The following CDH7 variants were observed in gnomAD, a reference collection of about 807,000 sequenced individuals.
CDH7 encodes cadherin 7.
Under a neutral mutation model 71.8 loss-of-function variants are expected in CDH7, and 25 were observed. The observed-to-expected ratio is 0.35, with a 90% CI of 0.25 to 0.49. The LOEUF (loss-of-function observed/expected upper bound fraction) is 0.49, where lower values mean the gene tolerates loss of function less well. CDH7 is among the 20% of genes least tolerant of loss of function. CDH7 has a pLI of 0.99. For synonymous variants in CDH7, 381 were observed against 363.8 expected (o/e 1.05, Z -0.54); for missense variants, 862 against 974.6 (o/e 0.88, Z 1.54).
chr18:65,879,586 T>C (rs2587413), intron 11 of CDH7, among the ~76,000 whole-genome samples: 7,697 of 152,258 alleles, frequency 0.051, 621 homozygotes, highest in African/African-American at 0.17. Flanking sequence ...TTGTGTATAC[T>C]AGTGAAAAAT....
intron 2 of CDH7, 40 bp downstream of exon 2, chr18:65,763,092 G>A (rs2143789126): frequency 7.0e-7 from 1 of 1,423,472 alleles, no homozygotes; most frequent in Non-Finnish European, 9.7e-7. Flanking sequence ...AATGATTATT[G>A]TCCATGTCTA....
chr18:65,814,020 A>G (rs1416847388), intron 3 of CDH7, among the ~76,000 whole-genome samples: 1 of 152,172 alleles, frequency 6.6e-6, no homozygotes, highest in Non-Finnish European at 1.5e-5. Context: ...AATTAATGAC[A>G]TTTTGATTTC....
rs143030664 is a variant in CDH7, at chr18:65,793,226, G to A, written c.211-16478G>A. 8.6e-3 allele frequency among the ~76,000 whole-genome samples: 1,311 copies of A among 152,116 alleles called. 16 individuals are homozygous for A. The highest frequency in any genetic ancestry group is 0.029 in the African/African-American group (1,213 of 41,496). On this transcript the variant is annotated intron_variant, in intron 2 of 11. Coordinates refer to ENST00000397968, the MANE Select transcript of CDH7 (RefSeq NM_004361.5). ...AGGCTGAGGTGGCCAGACCACTTGA[G>A]CTCAAACGTTTGAGACCAGCCTGGG...
intron 6 of CDH7, among the ~76,000 whole-genome samples, chr18:65,835,654 C>T (rs1050247378): frequency 6.6e-6 from 1 of 152,122 alleles, no homozygotes; most frequent in Non-Finnish European, 1.5e-5. Context: ...AAATGTTGAC[C>T]TCAGCGTAGT....
chr18:65,752,027 G>T (rs1476930624), intron 1 of CDH7, among the ~76,000 whole-genome samples: 1 of 152,222 alleles, frequency 6.6e-6, no homozygotes, highest in Non-Finnish European at 1.5e-5. Flanking sequence ...CAAGGATTGG[G>T]TGTATCAAGG....
At chr18:65,812,704 G>A (rs868685008) in intron 3 of CDH7, among the ~76,000 whole-genome samples, 3 of 152,262 alleles carry the variant, frequency 2.0e-5, no homozygotes, top group Non-Finnish European at 2.9e-5. Flanking sequence ...TGTGTATCTG[G>A]TGTGTGTGTC....
chr18:65,858,502 A>G (rs1913444324), intron 8 of CDH7, among the ~76,000 whole-genome samples: 1 of 152,034 alleles, frequency 6.6e-6, no homozygotes, highest in Admixed American at 6.6e-5. Flanking sequence ...GAGCTCTAAC[A>G]TCAAAGAACA....
chr18:65,852,879 C>A (rs1017362989), intron 7 of CDH7, among the ~76,000 whole-genome samples: 1 of 152,034 alleles, frequency 6.6e-6, no homozygotes, highest in Non-Finnish European at 1.5e-5. Context: ...AATATTATAT[C>A]CTGCAAAGAG....
At chr18:65,801,437 G>A (rs762690738) in intron 2 of CDH7, among the ~76,000 whole-genome samples, 2 of 152,164 alleles carry the variant, frequency 1.3e-5, no homozygotes, top group Non-Finnish European at 2.9e-5. Flanking sequence ...TGCTAGAAAG[G>A]ATGAACTAGA....
At chr18:65,862,949 G>C in intron 11 of CDH7, 32 bp downstream of exon 11, 2 of 1,605,816 alleles carry the variant, frequency 1.2e-6, no homozygotes, top group Non-Finnish European at 1.7e-6. Context: ...TGCTCTGAAA[G>C]AGCTGTCACA....
At chr18:65,877,583 A>G (rs969899498) in intron 11 of CDH7, among the ~76,000 whole-genome samples, 2 of 152,018 alleles carry the variant, frequency 1.3e-5, no homozygotes, top group East Asian at 3.9e-4. Flanking sequence ...TTTGTTCTCA[A>G]CTGGACATTT....
intron 4 of CDH7, among the ~76,000 whole-genome samples, chr18:65,819,911 A>T (rs1207271522): frequency 6.6e-6 from 1 of 150,634 alleles, no homozygotes; most frequent in Non-Finnish European, 1.5e-5. Context: ...AAGCCTGAAT[A>T]TGCAGAACCC....
intron 6 of CDH7, among the ~76,000 whole-genome samples, chr18:65,843,112 G>A (rs1015254521): frequency 2.6e-5 from 4 of 152,074 alleles, no homozygotes; most frequent in Admixed American, 2.0e-4. Context: ...GCTCTCATGC[G>A]GTTTGAGTTG....
chr18:65,866,612 T>G (rs1229693905), intron 11 of CDH7, among the ~76,000 whole-genome samples: 2 of 152,176 alleles, frequency 1.3e-5, no homozygotes, highest in Non-Finnish European at 2.9e-5. Context: ...TTAGAGGATA[T>G]GACGGGGTAA....
Position 65,862,806 on chromosome 18 carries a change from T to C in CDH7, c.1753T>C (p.Cys585Arg). The change falls in exon 11 of 12, where the codon TGT becomes CGT. Residue 585 changes from cysteine (C) to arginine (R), a missense_variant. Cys to Arg is a radical substitution (Grantham distance 180, BLOSUM62 -3). Coordinates refer to ENST00000397968, the MANE Select transcript of CDH7 (RefSeq NM_004361.5). ...CACCCTCACCATCCGCGTGTGTGAC[T>C]GTGATGCTGACGGCGTAGCCCAGAC... ...TNTLTIRVCD[C>R]DADGVAQTCN... The C allele has an allele frequency of 6.2e-7, 1 of 1,614,186 alleles. No homozygotes were observed. The highest frequency in any genetic ancestry group is 8.5e-7 in the Non-Finnish European group (1 of 1,180,026).
At chr18:65,760,481 C>T (rs1259936947) in intron 1 of CDH7, among the ~76,000 whole-genome samples, 1 of 152,208 alleles carries the variant, frequency 6.6e-6, no homozygotes, top group African/African-American at 2.4e-5. Flanking sequence ...AATGTTACCA[C>T]ATCCCCTCAA....
At chr18:65,788,239 G>A (rs1910583551) in intron 2 of CDH7, among the ~76,000 whole-genome samples, 1 of 152,080 alleles carries the variant, frequency 6.6e-6, no homozygotes, top group Non-Finnish European at 1.5e-5. Flanking sequence ...GATGTACCAA[G>A]GACACACCAC....
chr18:65,802,232 T>C (rs772098820), intron 2 of CDH7, among the ~76,000 whole-genome samples: 40 of 152,246 alleles, frequency 2.6e-4, no homozygotes, highest in Non-Finnish European at 3.4e-4. Context: ...TGCACACATT[T>C]GTTTTTTAAG....
intron 4 of CDH7, among the ~76,000 whole-genome samples, chr18:65,816,605 T>C (rs965323574): frequency 6.6e-6 from 1 of 152,210 alleles, no homozygotes; most frequent in African/African-American, 2.4e-5. Context: ...ATAAATTTCT[T>C]CTCAATTTCT....
Sources: gnomAD v4.1 joint callset for allele counts (sites outside exome capture counted in the v4.1 genomes callset) on GRCh38, gnomAD v4.1.1 for gene constraint, MANE v1.5 for transcripts, NCBI Gene and HGNC (gene_info 2026-07-23, HGNC 2026-07-21) for gene names.